The following SPRY3 variants were observed in gnomAD, a reference collection of about 807,000 sequenced individuals.
The protein encoded by SPRY3 is protein sprouty homolog 3.
In SPRY3, 15 loss-of-function variants were observed where a neutral mutation model predicts 20.2. That is an observed-to-expected ratio of 0.74 (90% CI 0.50 to 1.14). SPRY3 has a LOEUF of 1.14. SPRY3 is among the 50% of genes most tolerant of loss of function. The probability of loss-of-function intolerance (pLI) is 0.00; values close to 1 mark genes in which losing one functional copy is unlikely to be tolerated. For missense variants in SPRY3, 364 were observed against 363.9 expected (o/e 1.00, Z 0.00); for synonymous variants, 143 against 136.5 (o/e 1.05, Z -0.33).
At chrX:155,737,827 T>C (rs1451118664) in intron 2 of SPRY3, among the ~76,000 whole-genome samples, 2 of 152,106 alleles carry the variant, frequency 1.3e-5, no homozygotes, top group Non-Finnish European at 2.9e-5. Flanking sequence ...TTTAAGCAAG[T>C]GAGTGATACA....
At chrX:155,732,685 G>A (rs982537849) in intron 2 of SPRY3, among the ~76,000 whole-genome samples, 45 of 150,712 alleles carry the variant, frequency 3.0e-4, no homozygotes, top group Non-Finnish European at 6.4e-4. Context: ...GTATATTGAA[G>A]AGATATCTAC....
chrX:155,711,831 G>A (rs1312459472), intron 2 of SPRY3, among the ~76,000 whole-genome samples: 1 of 150,520 alleles, frequency 6.6e-6, no homozygotes, highest in African/African-American at 2.4e-5. Context: ...TTTTGTTGTA[G>A]GGACTTATAG....
intron 1 of SPRY3, among the ~76,000 whole-genome samples, chrX:155,654,686 GGTGTGTGT>G (rs3067500): frequency 0.08 from 6,896 of 85,705 alleles, 265 homozygotes; most frequent in African/African-American, 0.13. Context: ...AGTATTCCAT[GGTGTGTGT>G]GTGTGTGTGT....
chrX:155,773,575 G>T (rs2091397652), intron 3 of SPRY3, among the ~76,000 whole-genome samples, 191 bp from the exon 3 acceptor site: 1 of 151,970 alleles, frequency 6.6e-6, no homozygotes, highest in Non-Finnish European at 1.5e-5. Context: ...CTTCTTTATA[G>T]TCTGGAGGGG....
chrX:155,671,733 C>G (rs1480235615), intron 2 of SPRY3, among the ~76,000 whole-genome samples: 1 of 111,189 alleles, frequency 9.0e-6, no homozygotes, highest in Non-Finnish European at 1.9e-5. Context: ...TGCCTATGTC[C>G]TGAATGGTAA....
chrX:155,757,731 G>T (rs1477010786), intron 2 of SPRY3, among the ~76,000 whole-genome samples: 1 of 152,162 alleles, frequency 6.6e-6, no homozygotes, highest in Non-Finnish European at 1.5e-5. Flanking sequence ...AGGTTTAGGA[G>T]TATGTAGCTT....
chrX:155,751,928 TAAAATA>T (rs987772410), intron 2 of SPRY3, among the ~76,000 whole-genome samples: 10 of 21,960 alleles, frequency 4.6e-4, no homozygotes, highest in African/African-American at 3.7e-3. Flanking sequence ...GGAAGGGAAA[TAAAATA>T]AAATAAAATA....
At chrX:155,694,381 C>A (rs2124576974) in intron 2 of SPRY3, among the ~76,000 whole-genome samples, 1 of 110,337 alleles carries the variant, frequency 9.1e-6, no homozygotes, top group Non-Finnish European at 1.9e-5. Flanking sequence ...AATATTGTAC[C>A]ACTTCTTAGA....
At chrX:155,666,946 C>T (rs1239913917) in intron 2 of SPRY3, among the ~76,000 whole-genome samples, 5 of 110,548 alleles carry the variant, frequency 4.5e-5, no homozygotes, top group Non-Finnish European at 9.5e-5. Flanking sequence ...GAAGGAAAAC[C>T]AAGAGACTGT....
chrX:155,737,103 G>T (rs769758012), intron 2 of SPRY3, among the ~76,000 whole-genome samples: 21 of 152,062 alleles, frequency 1.4e-4, no homozygotes, highest in African/African-American at 5.1e-4. Context: ...TTTGAATGTT[G>T]TTCACTTTTT....
intron 2 of SPRY3, among the ~76,000 whole-genome samples, chrX:155,723,650 T>G (rs1033204369): frequency 5.9e-5 from 9 of 152,166 alleles, no homozygotes; most frequent in Non-Finnish European, 8.8e-5. Flanking sequence ...TTCTTGTAAA[T>G]TTGTTTAAGT....
intron 1 of SPRY3, among the ~76,000 whole-genome samples, chrX:155,649,027 G>A (rs1265454229): frequency 2.7e-5 from 3 of 111,508 alleles, no homozygotes; most frequent in Non-Finnish European, 5.7e-5. Flanking sequence ...AGAAGAAATG[G>A]ATACATTCCT....
At chrX:155,774,477 T>G (rs2091408227) in exon 4 of SPRY3, 1 of 1,614,010 alleles carries the variant, frequency 6.2e-7, no homozygotes, top group Non-Finnish European at 8.5e-7. Context: ...CCACTGATGA[T>G]GAAGACAACT....
downstream of SPRY3, chrX:155,780,568 A>C (rs140953708): frequency 0.033 from 5,500 of 167,066 alleles, 360 homozygotes; most frequent in East Asian, 0.24. Flanking sequence ...AAAAGTATTT[A>C]TATGAAGTTT....
At chrX:155,645,581 G>C (rs2067955262) in intron 1 of SPRY3, among the ~76,000 whole-genome samples, 1 of 111,852 alleles carries the variant, frequency 8.9e-6, no homozygotes, top group African/African-American at 3.3e-5. Flanking sequence ...ACCTAGTTTT[G>C]CTTTCTGCTG....
chrX:155,642,490 C>T (rs890763091), intron 1 of SPRY3, among the ~76,000 whole-genome samples: 1 of 110,965 alleles, frequency 9.0e-6, no homozygotes, highest in Non-Finnish European at 1.9e-5. Context: ...TTTATCCTCA[C>T]ATTTTTATTA....
At chrX:155,661,224 G>A (rs1425814830) in intron 2 of SPRY3, among the ~76,000 whole-genome samples, 2 of 111,725 alleles carry the variant, frequency 1.8e-5, no homozygotes, top group African/African-American at 6.5e-5. Context: ...GACTGGTCTA[G>A]CGGTGACAAA....
intron 1 of SPRY3, among the ~76,000 whole-genome samples, chrX:155,623,224 G>T: frequency 8.9e-6 from 1 of 111,753 alleles, no homozygotes; most frequent in Middle Eastern, 4.6e-3. Flanking sequence ...AATATATTCA[G>T]ATTACCTAGG....
rs11396863 is a variant in SPRY3 at position 155,616,130 on chromosome X, C to CTCTCTCT, written c.-441+3483_-441+3484insTCTCTCT. 5.2e-4 allele frequency among the ~76,000 whole-genome samples: 30 copies of CTCTCTCT among 57,173 alleles called. 1 individual carries two copies. Among genetic ancestry groups the CTCTCTCT allele is most frequent in the South Asian group, 1.1e-3 (1 of 909 alleles). 49.6% of individuals were successfully genotyped at this position (57,173 alleles called of 115,157 possible). ...TCTCTCTCTCTCTCTCTCTCTCTCT[C>CTCTCTCT]CTCTCTCTCTCTCTCTCTCTTCTCT... is the stretch of plus-strand genomic sequence containing the variant. On this transcript the variant is annotated intron_variant, in intron 1 of 3. Coordinates refer to ENST00000675360, the Ensembl canonical transcript of SPRY3.
Sources: gnomAD v4.1 joint callset for allele counts (sites outside exome capture counted in the v4.1 genomes callset) on GRCh38, gnomAD v4.1.1 for gene constraint, MANE v1.5 for transcripts, NCBI Gene and HGNC (gene_info 2026-07-23, HGNC 2026-07-21) for gene names.